PLCB4: variants seen among roughly 807,000 people sequenced by gnomAD.
The protein encoded by PLCB4 is 1-phosphatidylinositol 4,5-bisphosphate phosphodiesterase beta-4.
PLCB4 carries 77 observed loss-of-function variants against 178.8 expected under a neutral mutation model. The ratio of observed to expected loss-of-function variants is 0.43; its 90% CI spans 0.36 to 0.52. The LOEUF is 0.52. PLCB4 is among the 20% of genes least tolerant of loss of function. PLCB4 has a pLI of 0.00. For missense variants in PLCB4, 1,024 were observed against 1,453.4 expected, an observed-to-expected ratio of 0.70 and a Z score of 4.80; for synonymous variants, 496 against 490.8, an observed-to-expected ratio of 1.01 and a Z score of -0.14.
At chr20:9,143,309 G>T (rs1377289597) in intron 2 of PLCB4, among the ~76,000 whole-genome samples, 1 of 152,136 alleles carries the variant, frequency 6.6e-6, no homozygotes, top group African/African-American at 2.4e-5. Flanking sequence ...GCCTAGAACA[G>T]TGCAGGTACT....
At chr20:9,457,048 A>G (rs1293759490) in intron 33 of PLCB4, among the ~76,000 whole-genome samples, 1 of 152,236 alleles carries the variant, frequency 6.6e-6, no homozygotes, top group Non-Finnish European at 1.5e-5. Flanking sequence ...GGAAGAATGA[A>G]AAATTCACTT....
At chr20:9,163,327 A>G (rs1476494826) in intron 2 of PLCB4, among the ~76,000 whole-genome samples, 2 of 152,188 alleles carry the variant, frequency 1.3e-5, no homozygotes, top group Non-Finnish European at 2.9e-5. Flanking sequence ...CCAAATGTTA[A>G]GCCTCTGAAG....
intron 3 of PLCB4, among the ~76,000 whole-genome samples, chr20:9,218,374 G>A (rs537930304): frequency 1.2e-4 from 19 of 152,218 alleles, no homozygotes; most frequent in Middle Eastern, 3.4e-3. Context: ...CAAAGTGCTG[G>A]AATTACAGGT....
At chr20:9,249,596 T>A (rs1365271177) in intron 3 of PLCB4, among the ~76,000 whole-genome samples, 2 of 152,176 alleles carry the variant, frequency 1.3e-5, no homozygotes, top group Non-Finnish European at 2.9e-5. Flanking sequence ...TGAGCCACCA[T>A]GCCTGGCCTC....
chr20:9,245,050 T>A (rs1184301068), intron 3 of PLCB4, among the ~76,000 whole-genome samples: 2 of 151,998 alleles, frequency 1.3e-5, no homozygotes, highest in East Asian at 1.9e-4. Flanking sequence ...CAGTTGTAGG[T>A]TGAGGATGGG....
chr20:9,220,052 C>T (rs1468729054), intron 3 of PLCB4, among the ~76,000 whole-genome samples: 1 of 151,992 alleles, frequency 6.6e-6, no homozygotes, highest in African/African-American at 2.4e-5. Flanking sequence ...GGTCAATAAA[C>T]TCCTAAAATA....
chr20:9,437,396 T>C (rs917791599), intron 30 of PLCB4, among the ~76,000 whole-genome samples: 1 of 152,214 alleles, frequency 6.6e-6, no homozygotes, highest in African/African-American at 2.4e-5. Flanking sequence ...ATTCTCATAC[T>C]GATAATTTTC....
intron 3 of PLCB4, among the ~76,000 whole-genome samples, chr20:9,267,866 G>A (rs1388471075): frequency 2.0e-5 from 3 of 152,090 alleles, no homozygotes; most frequent in Non-Finnish European, 4.4e-5. Flanking sequence ...GTGGGTCTGT[G>A]GCTTCAGAAA....
intron 2 of PLCB4, among the ~76,000 whole-genome samples, chr20:9,163,030 G>A (rs1236145365): frequency 1.3e-5 from 2 of 152,118 alleles, no homozygotes; most frequent in African/African-American, 4.8e-5. Context: ...TGAACCTGGG[G>A]ATGGGAATAG....
chr20:9,274,019 AG>A (rs1227714295), intron 3 of PLCB4, among the ~76,000 whole-genome samples: 2 of 152,094 alleles, frequency 1.3e-5, no homozygotes, highest in Non-Finnish European at 2.9e-5. Context: ...CAGATGCCAG[AG>A]AGATCCAGGG....
chr20:9,248,283 G>A (rs1012555586), intron 3 of PLCB4, among the ~76,000 whole-genome samples: 7 of 152,096 alleles, frequency 4.6e-5, no homozygotes, highest in African/African-American at 1.7e-4. Flanking sequence ...TTGAACGCCA[G>A]CATTTTTTTA....
chr20:9,406,335 G>C (rs890030592), intron 21 of PLCB4, among the ~76,000 whole-genome samples: 1 of 152,088 alleles, frequency 6.6e-6, no homozygotes, highest in Non-Finnish European at 1.5e-5. Context: ...GTTGTTTGGT[G>C]GGGGAGCAGG....
At chr20:9,270,711 G>A (rs2094394662) in intron 3 of PLCB4, among the ~76,000 whole-genome samples, 1 of 151,504 alleles carries the variant, frequency 6.6e-6, no homozygotes, top group African/African-American at 2.4e-5. Context: ...ATGATTCCTG[G>A]GTAGGATCAA....
chr20:9,076,406 G>T (rs1442716262), intron 1 of PLCB4, among the ~76,000 whole-genome samples: 3 of 152,170 alleles, frequency 2.0e-5, no homozygotes, highest in African/African-American at 7.2e-5. Flanking sequence ...GGCAGAGGCT[G>T]CAGTGAGCCG....
intron 28 of PLCB4, among the ~76,000 whole-genome samples, chr20:9,435,195 A>G (rs1365077523): frequency 2.6e-5 from 4 of 152,222 alleles, no homozygotes; most frequent in African/African-American, 7.2e-5. Context: ...TAATTTCCAG[A>G]TAAAGAAACT....
intron 1 of PLCB4, among the ~76,000 whole-genome samples, chr20:9,072,959 A>G (rs570287006): frequency 1.3e-5 from 2 of 152,310 alleles, no homozygotes; most frequent in African/African-American, 4.8e-5. Context: ...AAAACCTTCA[A>G]TGAGAATGTC....
chr20:9,384,282 A>G lies in PLCB4; in HGVS notation c.935A>G (p.Tyr312Cys). 6.2e-7 allele frequency: 1 copy of G among 1,614,100 alleles called. No individual in the cohort carries two copies. Among genetic ancestry groups the G allele is most frequent in the South Asian group, 1.1e-5 (1 of 91,080 alleles). The change falls in exon 14 of 40, where the codon TAC (tyrosine) becomes TGC (cysteine). Residue 312 changes from tyrosine to cysteine, a missense_variant. Tyr to Cys is a radical substitution (Grantham distance 194). Around this residue, in one of 7 missense-constraint regions of PLCB4, gnomAD observed 263 missense variants for 417.4 expected, o/e 0.63. Transcript: ENST00000378473. Reference sequence around the variant, plus strand: ...GTCTTCCTAGATCGTTTAGAACTTTACCAAGAAATGGACCATCCTCTGGCT... The same window carrying G: ...GTCTTCCTAGATCGTTTAGAACTTTGCCAAGAAATGGACCATCCTCTGGCT... Reference protein sequence around the residue: ...APVFLDRLELYQEMDHPLAHY... With the variant: ...APVFLDRLELCQEMDHPLAHY...
rs6516438 is a variant in PLCB4 at position 9,127,966 on chromosome 20, C to T, written c.-79+31624C>T. On this transcript the variant is annotated intron_variant, in intron 2 of 39. Transcript: ENST00000378473. ...CCTCCCAAAGTGCTGGGATTACAGA[C>T]GTGAGACACCACGCCCGGCCCATAT... Among the ~76,000 whole-genome samples the T allele has an allele frequency of 3.1e-3, 479 of 152,204 alleles. 3 individuals are homozygous for T. The highest frequency in any genetic ancestry group is 0.011 in the African/African-American group (464 of 41,518).
chr20:9,110,484 C>T (rs183236284), intron 2 of PLCB4, among the ~76,000 whole-genome samples: 1 of 152,256 alleles, frequency 6.6e-6, no homozygotes, highest in African/African-American at 2.4e-5. Flanking sequence ...TTACATTTCT[C>T]CCAAAGGCTG....
Sources: allele counts gnomAD v4.1 joint callset (sites outside exome capture counted in the v4.1 genomes callset), GRCh38; gene constraint gnomAD v4.1.1; regional missense constraint gnomAD v4.1.1; transcripts MANE v1.5; gene names NCBI Gene and HGNC (gene_info 2026-07-23, HGNC 2026-07-21).